GORASP2: variants seen among roughly 807,000 people sequenced by gnomAD.
The protein encoded by GORASP2 is golgi reassembly stacking protein 2, also known as Golgi reassembly-stacking protein 2.
A neutral mutation model predicts 45.7 loss-of-function variants in GORASP2; 22 were observed. The ratio of observed to expected loss-of-function variants is 0.48; its 90% CI spans 0.34 to 0.69. The LOEUF (loss-of-function observed/expected upper bound fraction) is 0.69, where lower values mean the gene tolerates loss of function less well. GORASP2 is among the 30% of genes least tolerant of loss of function. The probability of loss-of-function intolerance (pLI) is 0.01; values close to 1 mark genes in which losing one functional copy is unlikely to be tolerated. For synonymous variants in GORASP2, 221 were observed against 215.6 expected (o/e 1.02, Z -0.22); for missense variants, 491 against 562.7 (o/e 0.87, Z 1.29).
chr2:170,953,331 G>A (rs1704345306), intron 5 of GORASP2, among the ~76,000 whole-genome samples: 2 of 150,758 alleles, frequency 1.3e-5, no homozygotes, highest in Non-Finnish European at 2.9e-5. Flanking sequence ...GCTACAGCCT[G>A]GGCAACAGAA....
chr2:170,929,478 G>A, intron 1 of GORASP2, 75 bp downstream of exon 1: 1 of 1,154,534 alleles, frequency 8.7e-7, no homozygotes. Context: ...AGGCCCCCAT[G>A]GGCTCCTTCA....
chr2:170,943,238 A>G (rs969610961), intron 1 of GORASP2, among the ~76,000 whole-genome samples: 2 of 152,194 alleles, frequency 1.3e-5, no homozygotes, highest in African/African-American at 4.8e-5. Flanking sequence ...TTGGGAGGCA[A>G]CATTTGAAAA....
rs1656418807 is a variant in GORASP2 at position 170,929,290 on chromosome 2, G to T, written c.-51G>T. On this transcript the variant is annotated 5_prime_UTR_variant, in exon 1 of 10. Transcript: ENST00000234160. ...GAGGATTAGAGCAGGCGGTGCGCTG[G>T]GGGCGGGAGCAGCGCGGAGCCCGGC... is the stretch of plus-strand genomic sequence containing the variant. 4 of 1,301,646 alleles carry T rather than the reference G, an allele frequency of 3.1e-6. No individual in the cohort carries two copies. Among genetic ancestry groups the T allele is most frequent in the Non-Finnish European group, 3.9e-6 (4 of 1,015,938 alleles). 80.6% of individuals were successfully genotyped at this position (1,301,646 alleles called of 1,614,324 possible). A position where few individuals can be genotyped will look rare whatever the true frequency, so the allele number is the denominator to read the frequency against.
At chr2:170,935,587 T>C (rs1703930844) in intron 1 of GORASP2, among the ~76,000 whole-genome samples, 1 of 149,844 alleles carries the variant, frequency 6.7e-6, no homozygotes, top group South Asian at 2.1e-4. Context: ...TTTTTTTTTT[T>C]TTTCTTTTTT....
chr2:170,949,421 C>G (rs1402778125), intron 2 of GORASP2, 118 bp from the exon 3 acceptor site: 1 of 665,170 alleles, frequency 1.5e-6, no homozygotes, highest in Non-Finnish European at 2.5e-6. Flanking sequence ...GTTGGTGAAA[C>G]CTTTGTTGAA....
intron 7 of GORASP2, among the ~76,000 whole-genome samples, chr2:170,958,380 A>G (rs73976229): frequency 0.21 from 31,634 of 152,062 alleles, 3,924 homozygotes; most frequent in Non-Finnish European, 0.29. Context: ...CATCACCACA[A>G]TCCAGTTTTA....
At chr2:170,949,140 A>G (rs1704241332) in intron 2 of GORASP2, among the ~76,000 whole-genome samples, 1 of 152,226 alleles carries the variant, frequency 6.6e-6, no homozygotes, top group Non-Finnish European at 1.5e-5. Flanking sequence ...TTAATAAAGC[A>G]TGTATTTAGA....
intron 1 of GORASP2, among the ~76,000 whole-genome samples, chr2:170,933,885 C>T (rs185610761): frequency 1.1e-3 from 165 of 152,226 alleles, no homozygotes; most frequent in Non-Finnish European, 1.7e-3. Flanking sequence ...AAATGTGTCA[C>T]GAGTGTAATA....
rs1460278192 is a variant in GORASP2, at chr2:170,965,843, C to G, written c.1072C>G (p.Leu358Val). Residue 358 changes from leucine (L) to valine (V), a missense_variant, in exon 10 of 10, where the codon CTC becomes GTC. Coordinates refer to ENST00000234160, the MANE Select transcript of GORASP2 (RefSeq NM_015530.5). ...CCGAAACTTACCTGGCATTGCACCT[C>G]TCCCCCTGCCATCCGAGTTCCTCCC... ...PPRNLPGIAP[L>V]PLPSEFLPSF... 3 of 1,614,084 alleles carry G rather than the reference C, an allele frequency of 1.9e-6. No individual in the cohort carries two copies. Among genetic ancestry groups the G allele is most frequent in the Non-Finnish European group, 1.7e-6 (2 of 1,180,008 alleles).
intron 5 of GORASP2, chr2:170,954,362 GT>G: frequency 1.4e-5 from 4 of 289,578 alleles, no homozygotes; most frequent in East Asian, 6.9e-5. Flanking sequence ...TATGCAGTGT[GT>G]TGGATGGTGA....
chr2:170,947,689 A>G (rs1704209482), intron 1 of GORASP2, among the ~76,000 whole-genome samples: 1 of 152,182 alleles, frequency 6.6e-6, no homozygotes. Flanking sequence ...TAGTCAAGGA[A>G]TAATTGCTTG....
At chr2:170,953,230 C>T (rs1378677167) in intron 5 of GORASP2, among the ~76,000 whole-genome samples, 5 of 152,082 alleles carry the variant, frequency 3.3e-5, no homozygotes, top group South Asian at 4.2e-4. Flanking sequence ...GTGGCATGCA[C>T]CTATAGTCCC....
rs1703754154 is a variant in GORASP2 at position 170,929,298 on chromosome 2, A to G, written c.-43A>G. The G allele has an allele frequency of 1.5e-6, 2 of 1,321,174 alleles. No homozygotes were observed. The highest frequency in any genetic ancestry group is 1.9e-6 in the Non-Finnish European group (2 of 1,032,008). 81.8% of individuals were successfully genotyped at this position (1,321,174 alleles called of 1,614,324 possible). A position where few individuals can be genotyped will look rare whatever the true frequency, so the allele number is the denominator to read the frequency against. ...GAGCAGGCGGTGCGCTGGGGGCGGG[A>G]GCAGCGCGGAGCCCGGCTCGGCCAC... On this transcript the variant is annotated 5_prime_UTR_variant, in exon 1 of 10. Transcript: ENST00000234160.
intron 1 of GORASP2, among the ~76,000 whole-genome samples, chr2:170,942,069 G>C (rs149942189): frequency 1.3e-5 from 2 of 152,054 alleles, no homozygotes; most frequent in African/African-American, 4.8e-5. Flanking sequence ...TTGCATTGTG[G>C]TTTTAATTTG....
chr2:170,954,581 C>CA (rs1388881663), intron 5 of GORASP2, 69 bp from the exon 6 acceptor site: 338 of 1,360,906 alleles, frequency 2.5e-4, no homozygotes, highest in South Asian at 4.1e-4. Context: ...CCGCCCCCCC[C>CA]AAAAAAAACA....
At position 170,956,547 on chromosome 2, in the gene GORASP2, G is replaced by A; in HGVS notation, c.811G>A (p.Val271Ile). ...CTCAACTCCACCAGCTGTCAGTAGT[G>A]TTCTCAGTACAGGTGTGCAGAAAAA... The part of the protein sequence containing the change: ...ISSTPPAVSS[V>I]LSTGVPTVPL... Residue 271 changes from valine to isoleucine, a missense_variant, in exon 7 of 10, where the codon GTT becomes ATT. Coordinates refer to ENST00000234160, the MANE Select transcript of GORASP2 (RefSeq NM_015530.5). 6.2e-7 allele frequency: 1 copy of A among 1,612,224 alleles called. No homozygotes were observed. Among genetic ancestry groups the A allele is most frequent in the Non-Finnish European group, 8.5e-7 (1 of 1,179,024 alleles).
At chr2:170,961,417 G>A (rs1351945772) in intron 7 of GORASP2, among the ~76,000 whole-genome samples, 3 of 142,806 alleles carry the variant, frequency 2.1e-5, no homozygotes, top group African/African-American at 9.2e-5. Flanking sequence ...GAGCTGGGCT[G>A]GGGTGGGACT....
At position 170,948,364 on chromosome 2, in the gene GORASP2, C is replaced by T; in HGVS notation, c.78C>T (p.Ser26=). The change falls in exon 2 of 10, where the codon TCC becomes TCT. Residue 26 remains serine (S), a synonymous_variant. Transcript: ENST00000234160. ...TGTTTCCGCAGGTACAAGAAAATTC[C>T]CCAGGACACAGAGCTGGTTTGGAGC... ...GYHVLRVQEN[S]PGHRAGLEPF... The T allele has an allele frequency of 6.3e-7, 1 of 1,595,982 alleles. No homozygotes were observed. The highest frequency in any genetic ancestry group is 1.1e-5 in the South Asian group (1 of 89,606).
At chr2:170,931,630 TATA>T (rs1703825359) in intron 1 of GORASP2, among the ~76,000 whole-genome samples, 1 of 152,250 alleles carries the variant, frequency 6.6e-6, no homozygotes, top group African/African-American at 2.4e-5. Context: ...AAATACCAAT[TATA>T]ATAACATTTA....
Sources: gnomAD v4.1 joint callset for allele counts (sites outside exome capture counted in the v4.1 genomes callset) on GRCh38, gnomAD v4.1.1 for gene constraint, MANE v1.5 for transcripts, NCBI Gene and HGNC (gene_info 2026-07-23, HGNC 2026-07-21) for gene names.